The following MSH3 variants were observed in gnomAD, a reference collection of about 807,000 sequenced individuals.
The protein encoded by MSH3 is mutS homolog 3, also known as DNA mismatch repair protein Msh3.
In MSH3, 106 loss-of-function variants were observed where a neutral mutation model predicts 123.3. That is an observed-to-expected ratio of 0.86 (90% CI 0.73 to 1.01). The LOEUF is 1.01. Ranked by LOEUF, MSH3 falls within the 50% of genes least tolerant of loss-of-function variation. MSH3 has a pLI of 0.00. For missense variants in MSH3, 1,459 were observed against 1,347.6 expected, an observed-to-expected ratio of 1.08 and a Z score of -1.29; for synonymous variants, 515 against 481.4, an observed-to-expected ratio of 1.07 and a Z score of -0.91.
intron 10 of MSH3, among the ~76,000 whole-genome samples, chr5:80,737,508 A>C (rs1743533446): frequency 6.6e-6 from 1 of 152,222 alleles, no homozygotes; most frequent in Non-Finnish European, 1.5e-5. Flanking sequence ...CAGGTTCACA[A>C]AGCATGAATT....
chr5:80,669,356 CAG>C (rs1409272868), intron 3 of MSH3, among the ~76,000 whole-genome samples: 2 of 152,110 alleles, frequency 1.3e-5, no homozygotes, highest in African/African-American at 4.8e-5. Context: ...TTGGCAGTGA[CAG>C]AGTGGCAATT....
chr5:80,787,786 T>G, intron 18 of MSH3, 114 bp downstream of exon 18: 3 of 765,054 alleles, frequency 3.9e-6, no homozygotes, highest in Non-Finnish European at 6.8e-6. Context: ...TGTTAGACTC[T>G]TGGGAAAGCT....
chr5:80,793,404 CA>C (rs1744642949), intron 19 of MSH3, among the ~76,000 whole-genome samples: 1 of 152,182 alleles, frequency 6.6e-6, no homozygotes, highest in Non-Finnish European at 1.5e-5. Context: ...CCTGCCCTCA[CA>C]GAGCTTGTTG....
chr5:80,833,590 G>A (rs961436564), intron 20 of MSH3, among the ~76,000 whole-genome samples: 3 of 152,094 alleles, frequency 2.0e-5, no homozygotes, highest in East Asian at 1.9e-4. Flanking sequence ...CTACAGGAGC[G>A]TGCCACCACA....
chr5:80,784,458 G>A (rs1744468935), intron 17 of MSH3, among the ~76,000 whole-genome samples: 1 of 151,780 alleles, frequency 6.6e-6, no homozygotes, highest in Non-Finnish European at 1.5e-5. Flanking sequence ...TATTTATGGG[G>A]TACGTGAGAT....
chr5:80,703,916 A>T (rs755886405), intron 8 of MSH3, among the ~76,000 whole-genome samples: 27 of 152,004 alleles, frequency 1.8e-4, no homozygotes, highest in Non-Finnish European at 3.4e-4. Flanking sequence ...AATCTTTTAT[A>T]ATGGGCCAGG....
At chr5:80,669,962 C>T in intron 3 of MSH3, 135 bp from the exon 4 acceptor site, 1 of 803,030 alleles carries the variant, frequency 1.2e-6, no homozygotes, top group Non-Finnish European at 2.0e-6. Context: ...TGCCGGAATG[C>T]TACAATGTGC....
At chr5:80,811,425 C>T (rs1258914191) in intron 19 of MSH3, among the ~76,000 whole-genome samples, 3 of 152,016 alleles carry the variant, frequency 2.0e-5, no homozygotes, top group African/African-American at 7.2e-5. Flanking sequence ...TCCTCAAAAG[C>T]TCTAAATGGT....
intron 16 of MSH3, among the ~76,000 whole-genome samples, chr5:80,777,565 G>A (rs773731918): frequency 2.9e-4 from 44 of 152,118 alleles, no homozygotes; most frequent in Non-Finnish European, 5.4e-4. Flanking sequence ...AAAGCAACAA[G>A]CAAGGCATAA....
intron 21 of MSH3, among the ~76,000 whole-genome samples, chr5:80,864,458 A>G (rs1207740846): frequency 6.6e-6 from 1 of 152,122 alleles, no homozygotes; most frequent in Non-Finnish European, 1.5e-5. Context: ...TATATGTTAT[A>G]TAATAATAAT....
intron 21 of MSH3, among the ~76,000 whole-genome samples, chr5:80,862,129 G>A (rs985147052): frequency 6.6e-6 from 1 of 152,158 alleles, no homozygotes. Flanking sequence ...GAGGAGCACA[G>A]TGTCGGATCC....
At chr5:80,868,121 C>G (rs1432995605) in intron 22 of MSH3, among the ~76,000 whole-genome samples, 1 of 152,132 alleles carries the variant, frequency 6.6e-6, no homozygotes, top group Non-Finnish European at 1.5e-5. Flanking sequence ...CAAAAAATAA[C>G]AGGTGCTGGT....
intron 3 of MSH3, among the ~76,000 whole-genome samples, chr5:80,668,164 T>C (rs939434332): frequency 3.3e-5 from 5 of 152,048 alleles, no homozygotes; most frequent in African/African-American, 9.7e-5. Context: ...CGCAGGCAGG[T>C]TGTCTGCTTG....
intron 8 of MSH3, among the ~76,000 whole-genome samples, chr5:80,711,401 C>T (rs1258354083): frequency 1.3e-5 from 2 of 152,172 alleles, no homozygotes; most frequent in African/African-American, 4.8e-5. Context: ...AAGGCCCTTT[C>T]GCCTCTGTTG....
At position 80,671,016 on chromosome 5, in the gene MSH3, A is replaced by T. The variant is rs529267360; in HGVS notation, c.792+707A>T. Among the ~76,000 whole-genome samples the T allele has an allele frequency of 9.9e-5, 15 of 152,112 alleles. No homozygotes were observed. In the South Asian group the frequency reaches 2.7e-3, roughly 27 times the overall value. On this transcript the variant is annotated intron_variant, in intron 4 of 23. Coordinates refer to ENST00000265081, the MANE Select transcript of MSH3 (RefSeq NM_002439.5). ...TGCATGCCTTTAGTCCCAGCTCCTC[A>T]GGAGGCTGAGGCAGGAGAGTCGCTT...
chr5:80,813,760 C>G lies in MSH3; in HGVS notation c.2813+19C>G, dbSNP rs1561486775. 3 of 1,613,576 alleles carry G rather than the reference C, an allele frequency of 1.9e-6. No homozygotes were observed. The highest frequency in any genetic ancestry group is 1.7e-5 in the Admixed American group (1 of 60,008). The stretch of plus-strand genomic sequence containing the variant: ...TCACAAGGTAAGTACGTTAATTCAG[C>G]TTGCATATATTCTTGAAAATAAGTC... On this transcript the variant is annotated intron_variant, in intron 20 of 23. Coordinates refer to ENST00000265081, the MANE Select transcript of MSH3 (RefSeq NM_002439.5).
chr5:80,656,979 T>A (rs1239882476), intron 2 of MSH3, among the ~76,000 whole-genome samples: 1 of 152,182 alleles, frequency 6.6e-6, no homozygotes, highest in Non-Finnish European at 1.5e-5. Flanking sequence ...AAAATTAGTT[T>A]AAATATATTT....
At chr5:80,720,968 G>A (rs529324523) in intron 8 of MSH3, among the ~76,000 whole-genome samples, 61 of 152,224 alleles carry the variant, frequency 4.0e-4, no homozygotes, top group Non-Finnish European at 6.9e-4. Flanking sequence ...TATCACAGTC[G>A]AGATGTGGAA....
intron 10 of MSH3, among the ~76,000 whole-genome samples, chr5:80,729,430 ATGTGTG>A (rs71594671): frequency 5.1e-5 from 4 of 78,374 alleles, no homozygotes; most frequent in Middle Eastern, 7.7e-3. Flanking sequence ...AAAAAAAAAA[ATGTGTG>A]TGTGTGTGTG....
Sources: allele counts gnomAD v4.1 joint callset (sites outside exome capture counted in the v4.1 genomes callset), GRCh38; gene constraint gnomAD v4.1.1; transcripts MANE v1.5; gene names NCBI Gene and HGNC (gene_info 2026-07-23, HGNC 2026-07-21).